PPP1R12A: variants seen among roughly 807,000 people sequenced by gnomAD.
The protein encoded by PPP1R12A is protein phosphatase 1 regulatory subunit 12A.
Under a neutral mutation model 139.6 loss-of-function variants are expected in PPP1R12A, and 19 were observed. That is an observed-to-expected ratio of 0.14 (90% confidence interval 0.09 to 0.20). The LOEUF (loss-of-function observed/expected upper bound fraction) is 0.20, where lower values mean the gene tolerates loss of function less well. Among genes scored for constraint, PPP1R12A ranks in the 10% least tolerant of loss-of-function variants. The probability of loss-of-function intolerance (pLI) is 1.00; values close to 1 mark genes in which losing one functional copy is unlikely to be tolerated. For missense variants in PPP1R12A, 925 were observed against 1,211.5 expected (o/e 0.76, Z 3.51); for synonymous variants, 427 against 420.6 (o/e 1.02, Z -0.19).
intron 3 of PPP1R12A, among the ~76,000 whole-genome samples, 170 bp downstream of exon 3, chr12:79,845,132 G>C (rs1879228913): frequency 6.6e-6 from 1 of 152,184 alleles, no homozygotes; most frequent in Non-Finnish European, 1.5e-5. Context: ...TTAAAAGATA[G>C]AGTGGAGAAT....
intron 23 of PPP1R12A, chr12:79,780,354 T>C (rs1258703607): frequency 2.0e-5 from 3 of 152,140 alleles, no homozygotes; most frequent in Non-Finnish European, 1.5e-5. Flanking sequence ...ACCATGATTA[T>C]AGAGAGTGGA....
chr12:79,925,759 TAAC>T (rs1363914807), intron 1 of PPP1R12A, among the ~76,000 whole-genome samples: 2 of 151,792 alleles, frequency 1.3e-5, no homozygotes, highest in African/African-American at 4.8e-5. Context: ...TTAGCCAGCA[TAAC>T]AATGCAAAGA....
intron 24 of PPP1R12A, among the ~76,000 whole-genome samples, chr12:79,777,893 CCAAA>C (rs1869930586): frequency 6.6e-6 from 1 of 152,044 alleles, no homozygotes; most frequent in African/African-American, 2.4e-5. Flanking sequence ...TAATAACAAA[CCAAA>C]CAATTTAATA....
chr12:79,880,382 T>G lies in PPP1R12A; in HGVS notation c.238-7444A>C, dbSNP rs550281339. Among the ~76,000 whole-genome samples, 9 of 152,172 alleles carry G rather than the reference T, an allele frequency of 5.9e-5. No individual in the cohort carries two copies. In the South Asian group the frequency reaches 1.9e-3, roughly 32 times the overall value. On this transcript the variant is annotated intron_variant, in intron 1 of 24. Coordinates refer to ENST00000450142, the MANE Select transcript of PPP1R12A (RefSeq NM_002480.3). ...AGACACTGCTGATTTTAAAAGTTCA[T>G]GGAATAAACAAACAGTCAGTCAACC...
intron 1 of PPP1R12A, among the ~76,000 whole-genome samples, chr12:79,879,526 C>T (rs1883432834): frequency 6.6e-6 from 1 of 151,876 alleles, no homozygotes; most frequent in African/African-American, 2.4e-5. Flanking sequence ...TAACAGAATC[C>T]TATAAACTGA....
At chr12:79,880,687 AG>A (rs1295404017) in intron 1 of PPP1R12A, among the ~76,000 whole-genome samples, 2 of 152,166 alleles carry the variant, frequency 1.3e-5, no homozygotes, top group Non-Finnish European at 2.9e-5. Flanking sequence ...TATTTCAGAA[AG>A]GTCACAGAAG....
rs1880602207 is a variant in PPP1R12A at position 79,855,921 on chromosome 12, G to GT, written c.369-10502dup. 2.0e-5 allele frequency among the ~76,000 whole-genome samples: 3 copies of GT among 151,012 alleles called. No homozygotes were observed. The South Asian group carries it at 6.2e-4, about 31-fold the overall frequency. ...TATGTTATCTAAAGGACTTAGAACA[G>GT]TAAAAAAAAAAACACAGTAAGCACT... On this transcript the variant is annotated intron_variant, in intron 2 of 24. Transcript: ENST00000450142.
At chr12:79,815,924 T>C (rs1286801341) in intron 9 of PPP1R12A, among the ~76,000 whole-genome samples, 4 of 152,118 alleles carry the variant, frequency 2.6e-5, no homozygotes, top group African/African-American at 9.7e-5. Flanking sequence ...CCACTAATAA[T>C]TTACATTACT....
intron 1 of PPP1R12A, among the ~76,000 whole-genome samples, chr12:79,925,499 G>A (rs1887770605): frequency 6.6e-6 from 1 of 152,128 alleles, no homozygotes; most frequent in Admixed American, 6.6e-5. Flanking sequence ...TTAAAGTAAA[G>A]CTTTTTATTA....
At chr12:79,908,083 G>A (rs1176082538) in intron 1 of PPP1R12A, among the ~76,000 whole-genome samples, 1 of 152,124 alleles carries the variant, frequency 6.6e-6, no homozygotes. Context: ...ATAAGAATGG[G>A]TATCTGGGGT....
Position 79,805,179 on chromosome 12 carries a change from G to T in PPP1R12A, c.2000+413C>A, listed in dbSNP as rs556358561. 2.7e-3 allele frequency among the ~76,000 whole-genome samples: 409 copies of T among 152,264 alleles called. 2 individuals carry two copies. The highest frequency in any genetic ancestry group is 9.5e-3 in the African/African-American group (395 of 41,560). ...TCTCCAAATCAACAGGAACAAAACAGTTCAACATCCTTCAAATTTCTTAAT... is the reference window on the plus strand; with the variant it reads ...TCTCCAAATCAACAGGAACAAAACATTTCAACATCCTTCAAATTTCTTAAT... On this transcript the variant is annotated intron_variant, in intron 14 of 24. Coordinates refer to ENST00000450142, the MANE Select transcript of PPP1R12A (RefSeq NM_002480.3).
At chr12:79,855,138 G>A (rs1451207547) in intron 2 of PPP1R12A, among the ~76,000 whole-genome samples, 1 of 151,898 alleles carries the variant, frequency 6.6e-6, no homozygotes, top group African/African-American at 2.4e-5. Flanking sequence ...ACAGGCGCCT[G>A]CCACCACGCC....
At position 79,820,099 on chromosome 12, in the gene PPP1R12A, T is replaced by C. The variant is rs533535021; in HGVS notation, c.1114+675A>G. Among the ~76,000 whole-genome samples the C allele has an allele frequency of 2.0e-5, 3 of 152,080 alleles. No homozygotes were observed. The South Asian group carries it at 6.2e-4, about 32-fold the overall frequency. On this transcript the variant is annotated intron_variant, in intron 8 of 24. Coordinates refer to ENST00000450142, the MANE Select transcript of PPP1R12A (RefSeq NM_002480.3). ...ATATGAATACACATATGTAAGACTA[T>C]AAAAATGAACTAGAAGATTACAGAA...
chr12:79,898,527 C>G (rs944230887), intron 1 of PPP1R12A, among the ~76,000 whole-genome samples: 10 of 152,158 alleles, frequency 6.6e-5, no homozygotes, highest in African/African-American at 2.4e-4. Flanking sequence ...CGGCTATTAT[C>G]TAAAGATTTC....
At chr12:79,892,910 C>T (rs909904924) in intron 1 of PPP1R12A, among the ~76,000 whole-genome samples, 39 of 152,188 alleles carry the variant, frequency 2.6e-4, no homozygotes, top group Admixed American at 2.6e-3. Context: ...TCGAGACCAG[C>T]CTGGCCAACA....
At chr12:79,869,093 C>G (rs994416632) in intron 2 of PPP1R12A, among the ~76,000 whole-genome samples, 1 of 152,174 alleles carries the variant, frequency 6.6e-6, no homozygotes, top group South Asian at 2.1e-4. Flanking sequence ...TAAACAACCT[C>G]TATTTTTAGT....
rs1460968212 is a variant in PPP1R12A at position 79,832,278 on chromosome 12, A to T, written c.647+54T>A. The stretch of plus-strand genomic sequence containing the variant: ...TGCAGGTATTTTAAGAAAAGGAACA[A>T]TGAATAAAGAAGACAAACTAAAATA... On this transcript the variant is annotated intron_variant, in intron 4 of 24. Coordinates refer to ENST00000450142, the MANE Select transcript of PPP1R12A (RefSeq NM_002480.3). 3 of 1,480,618 alleles carry T rather than the reference A, an allele frequency of 2.0e-6. No individual in the cohort carries two copies. In the South Asian group the frequency reaches 4.2e-5, roughly 21 times the overall value. The allele number at this position is 1,480,618 out of a possible 1,614,324, so 91.7% of individuals were successfully genotyped here.
intron 2 of PPP1R12A, among the ~76,000 whole-genome samples, chr12:79,851,235 A>G (rs1411465062): frequency 2.0e-5 from 3 of 152,206 alleles, no homozygotes; most frequent in Non-Finnish European, 2.9e-5. Flanking sequence ...CACTATTCAG[A>G]AATAAATGCT....
intron 23 of PPP1R12A, chr12:79,778,868 C>A: frequency 3.8e-6 from 1 of 262,468 alleles, no homozygotes; most frequent in Non-Finnish European, 7.3e-6. Context: ...TTTTTGAGTT[C>A]ATGTAAAACT....
Sources: gnomAD v4.1 joint callset for allele counts (sites outside exome capture counted in the v4.1 genomes callset) on GRCh38, gnomAD v4.1.1 for gene constraint, MANE v1.5 for transcripts, NCBI Gene and HGNC (gene_info 2026-07-23, HGNC 2026-07-21) for gene names.